TMEM74: variants seen among roughly 807,000 people sequenced by gnomAD.
The protein encoded by TMEM74 is transmembrane protein 74.
TMEM74 carries 13 observed loss-of-function variants against 18.1 expected under a neutral mutation model. The ratio of observed to expected loss-of-function variants is 0.72; its 90% confidence interval spans 0.47 to 1.14. The LOEUF (loss-of-function observed/expected upper bound fraction) is 1.14, where lower values mean the gene tolerates loss of function less well. Among genes scored for constraint, TMEM74 ranks in the 50% most tolerant of loss-of-function variants. TMEM74 has a pLI of 0.00. For missense variants in TMEM74, 372 were observed against 375.9 expected (o/e 0.99, Z 0.09); for synonymous variants, 159 against 146.6 (o/e 1.08, Z -0.61).
chr8:108,751,404 G>A (rs1813903421), intron 1 of TMEM74, among the ~76,000 whole-genome samples: 2 of 152,068 alleles, frequency 1.3e-5, no homozygotes, highest in South Asian at 4.1e-4. Context: ...TCAGGAGAAG[G>A]AATTTGAATC....
intron 1 of TMEM74, among the ~76,000 whole-genome samples, chr8:108,657,834 C>A (rs1226130690): frequency 1.3e-5 from 1 of 75,290 alleles, no homozygotes; most frequent in Non-Finnish European, 2.3e-5. Flanking sequence ...CAGAGTGAGA[C>A]ACCGTCTCAA....
At chr8:108,651,150 A>C (rs1812770954) in intron 2 of TMEM74, among the ~76,000 whole-genome samples, 1 of 152,106 alleles carries the variant, frequency 6.6e-6, no homozygotes, top group South Asian at 2.1e-4. Context: ...GACTCCACCA[A>C]CTAAAATGCA....
chr8:108,647,393 T>C (rs1281423280), intron 2 of TMEM74, among the ~76,000 whole-genome samples: 2 of 152,132 alleles, frequency 1.3e-5, no homozygotes, highest in Non-Finnish European at 2.9e-5. Context: ...AACCAATTTG[T>C]ATTATCGAGG....
At chr8:108,658,326 A>G (rs2130578601) in intron 1 of TMEM74, among the ~76,000 whole-genome samples, 1 of 152,186 alleles carries the variant, frequency 6.6e-6, no homozygotes, top group South Asian at 2.1e-4. Context: ...AATCAGGAAC[A>G]TTGGCATATA....
At chr8:108,668,217 A>C (rs1330142539) in intron 1 of TMEM74, among the ~76,000 whole-genome samples, 1 of 152,172 alleles carries the variant, frequency 6.6e-6, no homozygotes, top group Non-Finnish European at 1.5e-5. Context: ...GTGATTTTTC[A>C]AAGAGCTTTT....
At chr8:108,646,965 A>AT (rs1204986171) in intron 2 of TMEM74, among the ~76,000 whole-genome samples, 1 of 152,098 alleles carries the variant, frequency 6.6e-6, no homozygotes, top group African/African-American at 2.4e-5. Context: ...TTTAGCTTGT[A>AT]TTATAGCTGG....
chr8:108,758,694 G>GA (rs1294631212), intron 1 of TMEM74, among the ~76,000 whole-genome samples: 3 of 152,032 alleles, frequency 2.0e-5, no homozygotes, highest in Non-Finnish European at 4.4e-5. Flanking sequence ...ACCTATCAGA[G>GA]AAATTATCAG....
chr8:108,652,546 A>G (rs1812785038), intron 2 of TMEM74: 2 of 548,354 alleles, frequency 3.6e-6, no homozygotes, highest in Admixed American at 6.0e-5. Flanking sequence ...TCATTCTCAA[A>G]CAATTTGGTT....
intron 2 of TMEM74, among the ~76,000 whole-genome samples, chr8:108,631,267 T>C (rs1264642391): frequency 1.3e-5 from 2 of 151,930 alleles, no homozygotes; most frequent in East Asian, 3.9e-4. Flanking sequence ...GAAGTGGTGT[T>C]GGTGAGGTCA....
chr8:108,684,103 C>G (rs1813144135), intron 1 of TMEM74, among the ~76,000 whole-genome samples: 2 of 151,948 alleles, frequency 1.3e-5, no homozygotes, highest in Admixed American at 6.6e-5. Flanking sequence ...ATTTCCTTTG[C>G]TTTGGATAAA....
At chr8:108,676,990 C>T (rs960433429) in intron 1 of TMEM74, among the ~76,000 whole-genome samples, 1 of 152,216 alleles carries the variant, frequency 6.6e-6, no homozygotes, top group African/African-American at 2.4e-5. Flanking sequence ...GTCACAGACA[C>T]CAAAATGTAA....
At chr8:108,616,720 A>G (rs1812387562) in intron 2 of TMEM74, among the ~76,000 whole-genome samples, 1 of 152,084 alleles carries the variant, frequency 6.6e-6, no homozygotes, top group Admixed American at 6.6e-5. Flanking sequence ...GTTTGTTGCT[A>G]AGCTGATGCT....
chr8:108,656,921 G>A (rs1199991157), intron 1 of TMEM74, among the ~76,000 whole-genome samples: 1 of 151,868 alleles, frequency 6.6e-6, no homozygotes, highest in African/African-American at 2.4e-5. Context: ...TCCAAATTCT[G>A]GTAAAAATTT....
intron 2 of TMEM74, among the ~76,000 whole-genome samples, chr8:108,648,567 G>A (rs531078164): frequency 1.6e-4 from 25 of 152,240 alleles, no homozygotes; most frequent in South Asian, 1.2e-3. Flanking sequence ...ATCTTGGTGC[G>A]TTTATTATAA....
chr8:108,650,899 C>G (rs1234995522), intron 2 of TMEM74, among the ~76,000 whole-genome samples: 3 of 151,922 alleles, frequency 2.0e-5, no homozygotes, highest in Non-Finnish European at 4.4e-5. Flanking sequence ...TTAGTAGAGA[C>G]AGGTTTTCAC....
intron 1 of TMEM74, among the ~76,000 whole-genome samples, chr8:108,700,149 G>GTGTGTA (rs984692828): frequency 1.3e-5 from 2 of 151,704 alleles, no homozygotes; most frequent in African/African-American, 4.8e-5. Context: ...GTGTGTGTGT[G>GTGTGTA]TGTGTGTGTG....
rs527331661 is a variant in TMEM74 at position 108,731,356 on chromosome 8, A to C, written n.119+56120T>G. Among the ~76,000 whole-genome samples, 3 of 152,326 alleles carry C rather than the reference A, an allele frequency of 2.0e-5. No homozygotes were observed. In the South Asian group the frequency reaches 6.2e-4, roughly 32 times the overall value. On this transcript the variant is annotated intron_variant and non_coding_transcript_variant, in intron 1 of 3. Coordinates refer to the TMEM74 transcript ENST00000518838. Reference sequence around the variant, plus strand: ...TATAATCAATAGAATACATGTTCTCAATACTTGGAAACTCAGCATATCAAT... The same window carrying C: ...TATAATCAATAGAATACATGTTCTCCATACTTGGAAACTCAGCATATCAAT...
At chr8:108,752,406 A>C (rs1813912975) in intron 1 of TMEM74, among the ~76,000 whole-genome samples, 1 of 152,116 alleles carries the variant, frequency 6.6e-6, no homozygotes. Flanking sequence ...GGAAATATTT[A>C]TTGAATGAAA....
At chr8:108,714,060 G>T (rs145634685) in intron 1 of TMEM74, among the ~76,000 whole-genome samples, 1 of 152,104 alleles carries the variant, frequency 6.6e-6, no homozygotes, top group Non-Finnish European at 1.5e-5. Context: ...GCAGATTAAC[G>T]ACACCTTCCC....
Sources: allele counts gnomAD v4.1 joint callset (sites outside exome capture counted in the v4.1 genomes callset), GRCh38; gene constraint gnomAD v4.1.1; transcripts MANE v1.5; gene names NCBI Gene and HGNC (gene_info 2026-07-23, HGNC 2026-07-21).